The following TAFA4 variants were observed in gnomAD, a reference collection of about 807,000 sequenced individuals.
The protein encoded by TAFA4 is TAFA chemokine like family member 4, also known as chemokine-like protein TAFA-4.
TAFA4 carries 20 observed loss-of-function variants against 21.1 expected under a neutral mutation model. That is an observed-to-expected ratio of 0.95 (90% CI 0.67 to 1.38). The LOEUF (loss-of-function observed/expected upper bound fraction) is 1.38. TAFA4 is among the 40% of genes most tolerant of loss of function. The pLI is 0.00. For missense variants in TAFA4, 211 were observed against 180.9 expected, an observed-to-expected ratio of 1.17 and a Z score of -0.95; for synonymous variants, 71 against 67.4, an observed-to-expected ratio of 1.05 and a Z score of -0.26.
chr3:68,865,925 C>T (rs2089409916), intron 3 of TAFA4, among the ~76,000 whole-genome samples: 1 of 152,084 alleles, frequency 6.6e-6, no homozygotes, highest in Admixed American at 6.6e-5. Flanking sequence ...ATCTGCCAAG[C>T]ACCATGTGCA....
chr3:68,844,732 G>C (rs544320021), intron 3 of TAFA4, among the ~76,000 whole-genome samples: 2 of 152,040 alleles, frequency 1.3e-5, no homozygotes, highest in Admixed American at 1.3e-4. Flanking sequence ...TGTTCCCATC[G>C]GTTTCAAAGA....
At chr3:68,810,619 T>TG (rs2106843507) in intron 3 of TAFA4, among the ~76,000 whole-genome samples, 1 of 152,200 alleles carries the variant, frequency 6.6e-6, no homozygotes, top group East Asian at 1.9e-4. Flanking sequence ...GCAGTGAGGC[T>TG]GGGGGAGGGG....
intron 4 of TAFA4, among the ~76,000 whole-genome samples, chr3:68,741,276 A>G (rs1033178723): frequency 6.6e-6 from 1 of 152,122 alleles, no homozygotes; most frequent in African/African-American, 2.4e-5. Flanking sequence ...AACACAGGAT[A>G]TTGTTCTGTT....
intron 4 of TAFA4, among the ~76,000 whole-genome samples, chr3:68,752,369 A>T (rs1702570981): frequency 6.6e-6 from 1 of 152,212 alleles, no homozygotes; most frequent in Non-Finnish European, 1.5e-5. Context: ...GGATTTGGAG[A>T]TTACAAATGA....
intron 1 of TAFA4, among the ~76,000 whole-genome samples, chr3:68,916,592 A>G (rs2090007133): frequency 6.6e-6 from 1 of 152,184 alleles, no homozygotes; most frequent in African/African-American, 2.4e-5. Context: ...TTCACCCCAC[A>G]TGTAACAATG....
intron 3 of TAFA4, among the ~76,000 whole-genome samples, chr3:68,809,937 G>A (rs775320501): frequency 3.9e-5 from 6 of 152,080 alleles, no homozygotes; most frequent in Non-Finnish European, 8.8e-5. Context: ...CTGTTTTTAC[G>A]CCAGTACCAG....
chr3:68,896,582 C>A (rs1202356582), intron 1 of TAFA4, among the ~76,000 whole-genome samples: 1 of 152,170 alleles, frequency 6.6e-6, no homozygotes, highest in African/African-American at 2.4e-5. Context: ...GTCTCATGGG[C>A]AAATACAACA....
intron 3 of TAFA4, among the ~76,000 whole-genome samples, chr3:68,866,131 C>T (rs2089413145): frequency 6.6e-6 from 1 of 152,038 alleles, no homozygotes. Flanking sequence ...AGACTAGTGA[C>T]CTCAGCTCAC....
chr3:68,908,407 T>C (rs1338692263), intron 1 of TAFA4, among the ~76,000 whole-genome samples: 1 of 152,168 alleles, frequency 6.6e-6, no homozygotes, highest in Non-Finnish European at 1.5e-5. Context: ...GAGCCTGTCC[T>C]ATTCACGTTC....
chr3:68,907,135 G>A, intron 1 of TAFA4, among the ~76,000 whole-genome samples: 1 of 151,596 alleles, frequency 6.6e-6, no homozygotes, highest in East Asian at 1.9e-4. Context: ...ATCATGAAAA[G>A]GTTTCAATAA....
chr3:68,734,163 T>C (rs1702199572), intron 5 of TAFA4, among the ~76,000 whole-genome samples: 1 of 152,206 alleles, frequency 6.6e-6, no homozygotes, highest in Non-Finnish European at 1.5e-5. Context: ...TATGTATAGA[T>C]GGTAAAATCT....
At chr3:68,912,031 G>T (rs536996068) in intron 1 of TAFA4, among the ~76,000 whole-genome samples, 2 of 152,228 alleles carry the variant, frequency 1.3e-5, no homozygotes, top group African/African-American at 2.4e-5. Context: ...TCCATTCTTT[G>T]GGTCCGAGCT....
chr3:68,896,857 C>T (rs2089795231), intron 1 of TAFA4, among the ~76,000 whole-genome samples: 2 of 152,160 alleles, frequency 1.3e-5, no homozygotes, highest in South Asian at 2.1e-4. Context: ...CAACAATACT[C>T]ATTTTTATCT....
intron 3 of TAFA4, among the ~76,000 whole-genome samples, chr3:68,754,997 T>C (rs1702632748): frequency 6.6e-6 from 1 of 152,178 alleles, no homozygotes; most frequent in Admixed American, 6.6e-5. Flanking sequence ...TTGTGGGGCA[T>C]CCGACTTAGA....
At chr3:68,908,608 G>A (rs2089926617) in intron 1 of TAFA4, among the ~76,000 whole-genome samples, 1 of 152,106 alleles carries the variant, frequency 6.6e-6, no homozygotes, top group Non-Finnish European at 1.5e-5. Context: ...CATTAAGCAT[G>A]AGTTTAAAAC....
chr3:68,783,991 C>A (rs1037990467), intron 3 of TAFA4, among the ~76,000 whole-genome samples: 6 of 152,086 alleles, frequency 3.9e-5, no homozygotes, highest in Non-Finnish European at 8.8e-5. Flanking sequence ...AGATGTGCAA[C>A]AAGACAGATG....
chr3:68,771,264 G>T (rs1702951488), intron 3 of TAFA4, among the ~76,000 whole-genome samples: 1 of 152,206 alleles, frequency 6.6e-6, no homozygotes, highest in African/African-American at 2.4e-5. Flanking sequence ...TTGTGATAAG[G>T]CAGAATGTGT....
At chr3:68,755,606 C>G (rs984718451) in intron 3 of TAFA4, among the ~76,000 whole-genome samples, 1 of 152,086 alleles carries the variant, frequency 6.6e-6, no homozygotes, top group Non-Finnish European at 1.5e-5. Context: ...TCTATATGAC[C>G]AAAAGCATGC....
At chr3:68,875,280 G>A (rs2089533580) in intron 3 of TAFA4, among the ~76,000 whole-genome samples, 1 of 151,516 alleles carries the variant, frequency 6.6e-6, no homozygotes, top group African/African-American at 2.4e-5. Context: ...TTGGCTGCAG[G>A]TCTGAGTAAT....
Sources: gnomAD v4.1 joint callset for allele counts (sites outside exome capture counted in the v4.1 genomes callset) on GRCh38, gnomAD v4.1.1 for gene constraint, MANE v1.5 for transcripts, NCBI Gene and HGNC (gene_info 2026-07-23, HGNC 2026-07-21) for gene names.